RPTOR: variants seen among roughly 807,000 people sequenced by gnomAD.
RPTOR encodes regulatory-associated protein of mTOR.
In RPTOR, 21 loss-of-function variants were observed where a neutral mutation model predicts 169.9. That is an observed-to-expected ratio of 0.12 (90% CI 0.09 to 0.18). The LOEUF is 0.18. Among genes scored for constraint, RPTOR ranks in the 10% least tolerant of loss-of-function variants. The pLI, the probability that RPTOR is intolerant of heterozygous loss-of-function variation, is 1.00. For missense variants in RPTOR, 1,133 were observed against 1,855.9 expected (o/e 0.61, Z 7.16); for synonymous variants, 732 against 753.2 (o/e 0.97, Z 0.46).
intron 3 of RPTOR, among the ~76,000 whole-genome samples, chr17:80,656,154 T>A (rs948012920): frequency 2.0e-5 from 3 of 152,190 alleles, no homozygotes; most frequent in African/African-American, 4.8e-5. Flanking sequence ...CACCGCAACC[T>A]CTGCCTCCCA....
intron 3 of RPTOR, among the ~76,000 whole-genome samples, chr17:80,693,291 C>T (rs1420766551): frequency 6.6e-6 from 1 of 152,170 alleles, no homozygotes; most frequent in Non-Finnish European, 1.5e-5. Flanking sequence ...GCAGTGCCGA[C>T]CGAGCCTGTC....
chr17:80,754,698 C>T lies in RPTOR; in HGVS notation c.830+513C>T, dbSNP rs1488831722. Among the ~76,000 whole-genome samples, 2 of 152,102 alleles carry T rather than the reference C, an allele frequency of 1.3e-5. No homozygotes were observed. The highest frequency in any genetic ancestry group is 2.9e-5 in the Non-Finnish European group (2 of 68,014). On this transcript the variant is annotated intron_variant, in intron 6 of 33. Coordinates refer to ENST00000306801, the MANE Select transcript of RPTOR (RefSeq NM_020761.3). The surrounding 1 kb of genome is among the most constrained non-coding windows in gnomAD (Gnocchi z 4.2). ...TGTGATATTCCAAGATGGTAGAAGCCGCATTTCAGCCCCAACATCCCCAGC... is the reference window on the plus strand; with the variant it reads ...TGTGATATTCCAAGATGGTAGAAGCTGCATTTCAGCCCCAACATCCCCAGC...
chr17:80,838,181 A>C (rs1437116243), intron 10 of RPTOR, among the ~76,000 whole-genome samples, 184 bp downstream of exon 10: 1 of 152,238 alleles, frequency 6.6e-6, no homozygotes, highest in Admixed American at 6.5e-5. Context: ...GTTTAAAGTT[A>C]AACTTTGAAA....
At chr17:80,766,231 CTT>C (rs1451040277) in intron 6 of RPTOR, among the ~76,000 whole-genome samples, 1 of 152,104 alleles carries the variant, frequency 6.6e-6, no homozygotes, top group African/African-American at 2.4e-5. Flanking sequence ...ATTTTTGTAT[CTT>C]TTGTAGAGAC....
At chr17:80,904,132 G>C (rs375045322) in intron 20 of RPTOR, among the ~76,000 whole-genome samples, 1 of 152,192 alleles carries the variant, frequency 6.6e-6, no homozygotes, top group Non-Finnish European at 1.5e-5. Flanking sequence ...CCACGGCTCC[G>C]GCCGGCCCAG....
chr17:80,593,249 T>A (rs535351176), intron 1 of RPTOR: 1 of 154,786 alleles, frequency 6.5e-6, no homozygotes, highest in South Asian at 2.0e-4. Flanking sequence ...ATTAGAATTT[T>A]AAAAAACCTG....
intron 1 of RPTOR, among the ~76,000 whole-genome samples, chr17:80,618,385 G>C (rs900884049): frequency 6.6e-6 from 1 of 152,124 alleles, no homozygotes; most frequent in African/African-American, 2.4e-5. Context: ...AACTTATTTT[G>C]TATGCAGTTC....
At chr17:80,706,856 G>C (rs1423034416) in intron 3 of RPTOR, among the ~76,000 whole-genome samples, 1 of 152,188 alleles carries the variant, frequency 6.6e-6, no homozygotes, top group African/African-American at 2.4e-5. Context: ...CCCAAGCAGG[G>C]AGCATCTTCC....
chr17:80,718,097 TA>T (rs2066254875), intron 4 of RPTOR, among the ~76,000 whole-genome samples: 1 of 152,246 alleles, frequency 6.6e-6, no homozygotes, highest in African/African-American at 2.4e-5. Context: ...GCTGTGTACC[TA>T]GGCACAAAGC....
chr17:80,819,842 T>C (rs7221948), intron 7 of RPTOR, among the ~76,000 whole-genome samples: 59,371 of 151,992 alleles, frequency 0.39, 12,057 homozygotes, highest in African/African-American at 0.48. Flanking sequence ...TGACTCTGAA[T>C]ACACAGACTC....
intron 13 of RPTOR, among the ~76,000 whole-genome samples, chr17:80,874,685 C>A (rs1416399974): frequency 1.3e-5 from 2 of 152,112 alleles, no homozygotes; most frequent in East Asian, 3.8e-4. Context: ...GCTTCGGTAT[C>A]ATTTCCCCAG....
chr17:80,625,332 A>G (rs893771690), intron 1 of RPTOR, among the ~76,000 whole-genome samples: 9 of 152,162 alleles, frequency 5.9e-5, no homozygotes, highest in African/African-American at 2.2e-4. Context: ...GGGAGTGTAA[A>G]TTTGTGTAAT....
intron 25 of RPTOR, among the ~76,000 whole-genome samples, chr17:80,942,849 CA>C (rs1473059579): frequency 6.6e-6 from 1 of 152,236 alleles, no homozygotes; most frequent in Non-Finnish European, 1.5e-5. Context: ...TCAAACGTAC[CA>C]AATGCGTGGG....
intron 1 of RPTOR, among the ~76,000 whole-genome samples, chr17:80,605,278 T>G (rs2065220411): frequency 6.6e-6 from 1 of 152,178 alleles, no homozygotes; most frequent in Non-Finnish European, 1.5e-5. Context: ...CTGACAGCAG[T>G]GGATGTGCTC....
At chr17:80,677,695 C>CT (rs1195264235) in intron 3 of RPTOR, among the ~76,000 whole-genome samples, 19 of 152,294 alleles carry the variant, frequency 1.2e-4, no homozygotes, top group Admixed American at 8.5e-4. Flanking sequence ...TGCATCGAGT[C>CT]TTGCTGTTGA....
At chr17:80,656,292 A>G (rs1332894395) in intron 3 of RPTOR, among the ~76,000 whole-genome samples, 1 of 152,102 alleles carries the variant, frequency 6.6e-6, no homozygotes, top group Non-Finnish European at 1.5e-5. Context: ...GCTGGTCTCA[A>G]ACTCCTTGTA....
intron 3 of RPTOR, among the ~76,000 whole-genome samples, chr17:80,684,465 G>A (rs59992540): frequency 0.18 from 26,179 of 148,574 alleles, 3,670 homozygotes; most frequent in African/African-American, 0.39. Flanking sequence ...TTTTCTGGAG[G>A]CATAGTCTCG....
intron 5 of RPTOR, among the ~76,000 whole-genome samples, chr17:80,737,087 C>CT (rs1322814872): frequency 6.6e-6 from 1 of 152,204 alleles, no homozygotes; most frequent in East Asian, 1.9e-4. Context: ...ATGCTTTCCC[C>CT]TTTTCTAAGT....
intron 1 of RPTOR, among the ~76,000 whole-genome samples, chr17:80,604,894 G>A (rs1393915991): frequency 6.6e-6 from 1 of 151,694 alleles, no homozygotes; most frequent in Non-Finnish European, 1.5e-5. Flanking sequence ...AATTCAAGAT[G>A]AGAACACAGA....
Sources: gnomAD v4.1 joint callset for allele counts (sites outside exome capture counted in the v4.1 genomes callset) on GRCh38, gnomAD v4.1.1 for gene constraint, Gnocchi (gnomAD v3.1) non-coding constraint, MANE v1.5 for transcripts, NCBI Gene and HGNC (gene_info 2026-07-23, HGNC 2026-07-21) for gene names.